The following PAK4 variants were observed in gnomAD, a reference collection of about 807,000 sequenced individuals.
The protein encoded by PAK4 is p21 (RAC1) activated kinase 4, also known as serine/threonine-protein kinase PAK 4.
Under a neutral mutation model 53.5 loss-of-function variants are expected in PAK4, and 49 were observed. The ratio of observed to expected loss-of-function variants is 0.92; its 90% CI spans 0.73 to 1.16. PAK4 has a LOEUF of 1.16. Among genes scored for constraint, PAK4 ranks in the 50% most tolerant of loss-of-function variants. The pLI is 0.00. For synonymous variants in PAK4, 376 were observed against 375.6 expected, an observed-to-expected ratio of 1.00 and a Z score of -0.01; for missense variants, 824 against 850.7, an observed-to-expected ratio of 0.97 and a Z score of 0.39.
At chr19:39,169,255 G>T (rs778482331) in intron 1 of PAK4, among the ~76,000 whole-genome samples, 1 of 151,510 alleles carries the variant, frequency 6.6e-6, no homozygotes, top group African/African-American at 2.4e-5. Context: ...TCCAGGGGGG[G>T]TGAGAACAGA....
chr19:39,131,459 C>G (rs974375906), intron 1 of PAK4, among the ~76,000 whole-genome samples: 1 of 152,200 alleles, frequency 6.6e-6, no homozygotes, highest in Non-Finnish European at 1.5e-5. Flanking sequence ...TCACCGAGCC[C>G]AGCCCCGCAC....
chr19:39,159,155 G>T (rs1039327857), intron 1 of PAK4, among the ~76,000 whole-genome samples: 3 of 152,166 alleles, frequency 2.0e-5, no homozygotes, highest in Non-Finnish European at 4.4e-5. Flanking sequence ...ACACAGCTTG[G>T]AGTAGTAGAG....
chr19:39,170,827 A>G (rs2074464481), intron 2 of PAK4, among the ~76,000 whole-genome samples: 1 of 152,230 alleles, frequency 6.6e-6, no homozygotes, highest in African/African-American at 2.4e-5. Flanking sequence ...TCCACTGAGA[A>G]AGTGACAGAC....
intron 1 of PAK4, among the ~76,000 whole-genome samples, chr19:39,141,574 C>T (rs986489228): frequency 5.3e-5 from 8 of 152,062 alleles, no homozygotes; most frequent in African/African-American, 1.9e-4. Flanking sequence ...TCTCAGCCTC[C>T]CAAAGTGCTG....
At chr19:39,143,837 T>C (rs1324245619) in intron 1 of PAK4, among the ~76,000 whole-genome samples, 1 of 151,896 alleles carries the variant, frequency 6.6e-6, no homozygotes, top group Non-Finnish European at 1.5e-5. Flanking sequence ...AAGGGCGTGG[T>C]GGCATGTGCC....
exon 9 of PAK4, chr19:39,179,139 A>C (rs559205146): frequency 6.6e-6 from 1 of 151,284 alleles, no homozygotes; most frequent in African/African-American, 2.4e-5. Context: ...ATGGGGAGAC[A>C]GGTCAGGGCC....
intron 1 of PAK4, among the ~76,000 whole-genome samples, chr19:39,132,526 G>T (rs1395054516): frequency 6.6e-5 from 10 of 152,236 alleles, no homozygotes; most frequent in Admixed American, 2.6e-4. Context: ...GTGCCGCCTC[G>T]TGTCCCACGC....
chr19:39,180,154 T>G (rs1261450277), downstream of PAK4: 2 of 152,272 alleles, frequency 1.3e-5, no homozygotes, highest in Non-Finnish European at 2.9e-5. Flanking sequence ...CCTCCCACCC[T>G]TCACAGGTCC....
At chr19:39,170,269 G>A (rs570595658) in intron 2 of PAK4, among the ~76,000 whole-genome samples, 3 of 152,340 alleles carry the variant, frequency 2.0e-5, no homozygotes, top group African/African-American at 4.8e-5. Flanking sequence ...GGCTGAGGAG[G>A]AGGAGGAGAA....
intron 1 of PAK4, among the ~76,000 whole-genome samples, chr19:39,154,821 G>A (rs1438691781): frequency 6.6e-6 from 1 of 151,806 alleles, no homozygotes; most frequent in Non-Finnish European, 1.5e-5. Flanking sequence ...CCATGGGGAG[G>A]CAGTGGCCTG....
intron 1 of PAK4, among the ~76,000 whole-genome samples, chr19:39,167,690 T>A (rs554620975): frequency 9.4e-5 from 14 of 148,986 alleles, no homozygotes; most frequent in African/African-American, 3.2e-4. Context: ...CCCACCCCCC[T>A]CCCACGGGGC....
intron 1 of PAK4, among the ~76,000 whole-genome samples, chr19:39,147,105 T>A (rs879451667): frequency 0.61 from 91,816 of 151,242 alleles, 28,200 homozygotes; most frequent in East Asian, 0.82. Context: ...ACAATGTCAT[T>A]GACATTGACA....
At position 39,127,200 on chromosome 19, in the gene PAK4, C is replaced by G. The variant is rs377262806; in HGVS notation, c.-23+1281C>G. On this transcript the variant is annotated intron_variant, in intron 1 of 8. Coordinates refer to ENST00000358301, the Ensembl canonical transcript of PAK4. ...GGTACCCTGGGCAGAGCGGGGTGTT[C>G]ACTGTTCTTAAAACCCTAAGCTCTC... Among the ~76,000 whole-genome samples, 14 of 151,894 alleles carry G rather than the reference C, an allele frequency of 9.2e-5. No individual in the cohort carries two copies. The East Asian group carries it at 1.7e-3, about 19-fold the overall frequency.
At chr19:39,169,091 G>A (rs910657512) in intron 1 of PAK4, among the ~76,000 whole-genome samples, 2 of 152,204 alleles carry the variant, frequency 1.3e-5, no homozygotes, top group African/African-American at 2.4e-5. Context: ...TGTAGAGCGG[G>A]GGGACGGCGG....
At chr19:39,163,218 C>T (rs1178464580) in intron 1 of PAK4, among the ~76,000 whole-genome samples, 2 of 152,096 alleles carry the variant, frequency 1.3e-5, no homozygotes, top group Non-Finnish European at 1.5e-5. Context: ...AGGCTGAGTG[C>T]AGGCTGGAGG....
At chr19:39,127,861 C>T (rs2073619076) in intron 1 of PAK4, among the ~76,000 whole-genome samples, 1 of 152,164 alleles carries the variant, frequency 6.6e-6, no homozygotes, top group Non-Finnish European at 1.5e-5. Flanking sequence ...AATGGGCTTA[C>T]CAGGCAGGAG....
chr19:39,159,038 G>A (rs1009450115), intron 1 of PAK4, among the ~76,000 whole-genome samples: 1 of 152,172 alleles, frequency 6.6e-6, no homozygotes, highest in African/African-American at 2.4e-5. Flanking sequence ...TACATGTGTC[G>A]TCTTATTCGC....
At chr19:39,160,419 G>A (rs578048625) in intron 1 of PAK4, among the ~76,000 whole-genome samples, 1 of 152,222 alleles carries the variant, frequency 6.6e-6, no homozygotes, top group Admixed American at 6.5e-5. Flanking sequence ...GGCACTGCCA[G>A]TCAGTAGGTG....
intron 1 of PAK4, among the ~76,000 whole-genome samples, chr19:39,158,021 T>C (rs1422335010): frequency 6.6e-6 from 1 of 152,142 alleles, no homozygotes; most frequent in African/African-American, 2.4e-5. Context: ...TGTATGCATG[T>C]GTGTGAGTGT....
Sources: allele counts gnomAD v4.1 joint callset (sites outside exome capture counted in the v4.1 genomes callset), GRCh38; gene constraint gnomAD v4.1.1; transcripts MANE v1.5; gene names NCBI Gene and HGNC (gene_info 2026-07-23, HGNC 2026-07-21).